The following DSE variants were observed in gnomAD, a reference collection of about 807,000 sequenced individuals.
The protein encoded by DSE is dermatan-sulfate epimerase.
In DSE, 36 loss-of-function variants were observed where a neutral mutation model predicts 84.4. The ratio of observed to expected loss-of-function variants is 0.43; its 90% CI spans 0.33 to 0.56. The LOEUF (loss-of-function observed/expected upper bound fraction) is 0.56. Ranked by LOEUF, DSE falls within the 20% of genes least tolerant of loss-of-function variation. The probability of loss-of-function intolerance (pLI) is 0.06; values close to 1 mark genes in which losing one functional copy is unlikely to be tolerated. For missense variants in DSE, 862 were observed against 1,169.6 expected (o/e 0.74, Z 3.84); for synonymous variants, 410 against 430.1 (o/e 0.95, Z 0.58).
intron 2 of DSE, among the ~76,000 whole-genome samples, chr6:116,325,862 T>C (rs993695540): frequency 9.9e-5 from 15 of 152,202 alleles, no homozygotes; most frequent in Non-Finnish European, 1.8e-4. Flanking sequence ...CCGAGCTCCC[T>C]GAGTGAGCAA....
At chr6:116,295,891 C>A (rs1774634304) in intron 2 of DSE, among the ~76,000 whole-genome samples, 2 of 152,168 alleles carry the variant, frequency 1.3e-5, no homozygotes, top group Admixed American at 6.5e-5. Context: ...CTTTGCTTAG[C>A]AAACCATCAT....
intron 2 of DSE, among the ~76,000 whole-genome samples, chr6:116,303,363 T>C (rs773453550): frequency 6.6e-6 from 1 of 152,198 alleles, no homozygotes; most frequent in Non-Finnish European, 1.5e-5. Context: ...TTGCAGCACT[T>C]AATACAATTG....
chr6:116,356,909 G>A (rs1309234473), intron 2 of DSE, among the ~76,000 whole-genome samples: 3 of 152,142 alleles, frequency 2.0e-5, no homozygotes, highest in Admixed American at 6.5e-5. Context: ...TAACTAATGC[G>A]TCCAAATTCA....
intron 2 of DSE, among the ~76,000 whole-genome samples, chr6:116,309,586 C>T (rs929963431): frequency 6.6e-6 from 1 of 152,178 alleles, no homozygotes; most frequent in Non-Finnish European, 1.5e-5. Flanking sequence ...GCTGCTACAA[C>T]AAAATATCTG....
At chr6:116,277,871 C>T (rs1163893079) in intron 2 of DSE, 2 of 132,336 alleles carry the variant, frequency 1.5e-5, no homozygotes, top group African/African-American at 5.7e-5. Context: ...CACTGCACTC[C>T]AACCTGGGCG....
chr6:116,418,866 T>C (rs1695628573), intron 2 of DSE, among the ~76,000 whole-genome samples: 1 of 152,214 alleles, frequency 6.6e-6, no homozygotes, highest in African/African-American at 2.4e-5. Flanking sequence ...CCTATCCAAA[T>C]TGCTTTTTCA....
Position 116,440,358 on chromosome 6 carries a change from C to T in DSE, c.*3013C>T, listed in dbSNP as rs945471821. 4 of 152,120 alleles carry T rather than the reference C, an allele frequency of 2.6e-5. No individual in the cohort carries two copies. Among genetic ancestry groups the T allele is most frequent in the African/African-American group, 4.8e-5 (2 of 41,434 alleles). The allele number at this position is 152,120 out of a possible 1,614,324, so 9.4% of individuals were successfully genotyped here. A position where few individuals can be genotyped will look rare whatever the true frequency, so the allele number is the denominator to read the frequency against. ...CATCACCCAGGCTGAAGTGTAGTGGCGTGATCGTAGCTCACTGCAGCCGCA... is the reference window on the plus strand; with the variant it reads ...CATCACCCAGGCTGAAGTGTAGTGGTGTGATCGTAGCTCACTGCAGCCGCA... On this transcript the variant is annotated 3_prime_UTR_variant, in exon 6 of 6. Coordinates refer to ENST00000644252, the MANE Select transcript of DSE (RefSeq NM_013352.4).
chr6:116,404,986 G>GTT lies in DSE; in HGVS notation c.416+5335_416+5336dup, dbSNP rs34557502. On this transcript the variant is annotated intron_variant, in intron 2 of 5. Transcript: ENST00000644252. Reference sequence around the variant, plus strand: ...AACTTTTGGACAGAGAAGTAATTGTGTTTTTTTTTTTTTTTTGCAACAGAC... The same window carrying GTT: ...AACTTTTGGACAGAGAAGTAATTGTGTTTTTTTTTTTTTTTTTTGCAACAGAC... Among the ~76,000 whole-genome samples, 180 of 136,562 alleles carry GTT rather than the reference G, an allele frequency of 1.3e-3. 1 individual carries two copies. The highest frequency in any genetic ancestry group is 3.8e-3 in the African/African-American group (147 of 38,554). The allele number at this position is 136,562 out of a possible 152,430, so 89.6% of individuals were successfully genotyped here. A position where few individuals can be genotyped will look rare whatever the true frequency, so the allele number is the denominator to read the frequency against.
At chr6:116,267,502 A>G (rs1772680659) in intron 2 of DSE, among the ~76,000 whole-genome samples, 1 of 152,156 alleles carries the variant, frequency 6.6e-6, no homozygotes, top group Admixed American at 6.5e-5. Flanking sequence ...ATATTTTTGT[A>G]CAGCTGTACA....
At position 116,333,123 on chromosome 6, in the gene DSE, C is replaced by T. The variant is rs757916177; in HGVS notation, c.-53-66075C>T. On this transcript the variant is annotated intron_variant, in intron 2 of 3. Coordinates refer to the DSE transcript ENST00000430252. ...CTCAGGATAAAATTTTCAATGAAAA[C>T]GGAATAGAATTTACATATATTCACA... Among the ~76,000 whole-genome samples, 9 of 152,096 alleles carry T rather than the reference C, an allele frequency of 5.9e-5. No individual in the cohort carries two copies. The South Asian group carries it at 6.2e-4, about 11-fold the overall frequency.
chr6:116,410,620 G>C (rs1782265695), intron 2 of DSE, among the ~76,000 whole-genome samples: 1 of 151,482 alleles, frequency 6.6e-6, no homozygotes, highest in South Asian at 2.1e-4. Flanking sequence ...TGTAGTCCCA[G>C]CTACTGGGGA....
chr6:116,432,100 A>T (rs894587405), intron 4 of DSE, among the ~76,000 whole-genome samples: 8 of 152,246 alleles, frequency 5.3e-5, no homozygotes, highest in African/African-American at 1.9e-4. Flanking sequence ...ACATTCAAAA[A>T]AATACTGCTT....
rs1784239437 is a variant in DSE, at chr6:116,437,261, C to G, written c.2793C>G (p.Gly931=). The change falls in exon 6 of 6, where the codon GGC becomes GGG. Residue 931 remains glycine, a synonymous_variant. Transcript: ENST00000644252. ...TCCAGAGGGCCCAGAGCCTACATGGCCAAAGATGTCTTTATGCAGTTCTTC... is the reference window on the plus strand; with the variant it reads ...TCCAGAGGGCCCAGAGCCTACATGGGCAAAGATGTCTTTATGCAGTTCTTC... ...TYFQRAQSLH[G]QRCLYAVLLI... The G allele has an allele frequency of 6.2e-7, 1 of 1,613,956 alleles. No homozygotes were observed. Among genetic ancestry groups the G allele is most frequent in the Non-Finnish European group, 8.5e-7 (1 of 1,180,006 alleles).
At chr6:116,260,366 T>C (rs1772360305) in intron 2 of DSE, among the ~76,000 whole-genome samples, 2 of 152,226 alleles carry the variant, frequency 1.3e-5, no homozygotes, top group South Asian at 4.1e-4. Context: ...AAGTTCCTTA[T>C]AGATGCTGGA....
intron 1 of DSE, among the ~76,000 whole-genome samples, chr6:116,375,354 A>C (rs1399779926): frequency 6.6e-6 from 1 of 152,210 alleles, no homozygotes; most frequent in Non-Finnish European, 1.5e-5. Context: ...TGTTTAATTG[A>C]AATAATTTTT....
At chr6:116,389,091 A>T (rs1175580742) in intron 1 of DSE, among the ~76,000 whole-genome samples, 5 of 152,186 alleles carry the variant, frequency 3.3e-5, no homozygotes, top group East Asian at 1.9e-4. Flanking sequence ...ACTTCCCCTC[A>T]GTTGGACTGA....
intron 2 of DSE, among the ~76,000 whole-genome samples, chr6:116,339,004 T>G (rs149962815): frequency 6.6e-6 from 1 of 152,198 alleles, no homozygotes; most frequent in African/African-American, 2.4e-5. Flanking sequence ...TCATGCGCCC[T>G]GTGCTAGAAG....
chr6:116,303,368 C>T (rs1457759189), intron 2 of DSE, among the ~76,000 whole-genome samples: 5 of 152,124 alleles, frequency 3.3e-5, no homozygotes, highest in African/African-American at 1.2e-4. Context: ...GCACTTAATA[C>T]AATTGTAGAT....
intron 2 of DSE, among the ~76,000 whole-genome samples, chr6:116,339,056 TCAA>T (rs964009887): frequency 1.9e-4 from 29 of 151,672 alleles, no homozygotes; most frequent in African/African-American, 6.8e-4. Context: ...ATGCTCCTGT[TCAA>T]CAGATAAATG....
Sources: gnomAD v4.1 joint callset for allele counts (sites outside exome capture counted in the v4.1 genomes callset) on GRCh38, gnomAD v4.1.1 for gene constraint, MANE v1.5 for transcripts, NCBI Gene and HGNC (gene_info 2026-07-23, HGNC 2026-07-21) for gene names.